Variants in DISP1 observed in about 807,000 individuals in gnomAD.
DISP1 encodes dispatched RND transporter family member 1.
In DISP1, 30 loss-of-function variants were observed where a neutral mutation model predicts 37.3. That is an observed-to-expected ratio of 0.80 (90% CI 0.60 to 1.09). The LOEUF is 1.09. Ranked by LOEUF, DISP1 falls within the 50% of genes least tolerant of loss-of-function variation. The probability of loss-of-function intolerance (pLI) is 0.00; values close to 1 mark genes in which losing one functional copy is unlikely to be tolerated. For missense variants in DISP1, 1,598 were observed against 1,879.5 expected, an observed-to-expected ratio of 0.85 and a Z score of 2.77; for synonymous variants, 634 against 690.2, an observed-to-expected ratio of 0.92 and a Z score of 1.28.
chr1:222,900,674 T>G (rs985508656), intron 1 of DISP1, among the ~76,000 whole-genome samples: 2 of 152,176 alleles, frequency 1.3e-5, no homozygotes, highest in African/African-American at 4.8e-5. Context: ...GAACATACTT[T>G]TAAGGCAGGA....
intron 1 of DISP1, among the ~76,000 whole-genome samples, chr1:222,869,242 TA>T (rs772493644): frequency 6.6e-6 from 1 of 152,122 alleles, no homozygotes. Flanking sequence ...CAGGTACTAA[TA>T]AAAGAAAAAT....
intron 3 of DISP1, among the ~76,000 whole-genome samples, chr1:222,973,890 A>G (rs1677128677): frequency 6.6e-6 from 1 of 152,186 alleles, no homozygotes; most frequent in Non-Finnish European, 1.5e-5. Context: ...TCTGCCATTG[A>G]CTTGCTCTAT....
intron 1 of DISP1, among the ~76,000 whole-genome samples, chr1:222,859,246 C>G (rs900364262): frequency 6.6e-6 from 1 of 152,150 alleles, no homozygotes; most frequent in Non-Finnish European, 1.5e-5. Flanking sequence ...AAACCAAACA[C>G]CGCATGTTCT....
Position 223,003,505 on chromosome 1 carries a change from G to T in DISP1, c.2108G>T (p.Arg703Leu), listed in dbSNP as rs752790327. 6.2e-7 allele frequency: 1 copy of T among 1,614,022 alleles called. No homozygotes were observed. Among genetic ancestry groups the T allele is most frequent in the Non-Finnish European group, 8.5e-7 (1 of 1,180,028 alleles). The part of the protein sequence containing the change: ...KVLFAISEAS[R>L]IFFEKVLPCI... The stretch of plus-strand genomic sequence containing the variant: ...CTCTTTGCCATTTCAGAAGCATCTC[G>T]AATTTTTTTCGAAAAAGTATTGCCA... Residue 703 changes from arginine (R) to leucine (L), a missense_variant, in exon 9 of 9, where the codon CGA becomes CTA. Arg to Leu is a moderately radical substitution (Grantham distance 102). Coordinates refer to ENST00000675850, the MANE Select transcript of DISP1 (RefSeq NM_001377229.1). The surrounding 1 kb of genome is among the most constrained non-coding windows in gnomAD (Gnocchi z 4.3).
chr1:222,922,556 A>C (rs1239398975), intron 1 of DISP1, among the ~76,000 whole-genome samples: 1 of 152,188 alleles, frequency 6.6e-6, no homozygotes. Context: ...TATTTAAGTG[A>C]AAATTTTGGG....
chr1:222,846,694 C>T lies in DISP1; in HGVS notation c.-159+31616C>T, dbSNP rs189826150. ...TTGCAGGAAGTAGAATGGCCTGTGG[C>T]CAAAACTAGAATATAGGACAAAGGG... On this transcript the variant is annotated intron_variant, in intron 1 of 8. Coordinates refer to ENST00000675850, the MANE Select transcript of DISP1 (RefSeq NM_001377229.1). Among the ~76,000 whole-genome samples the T allele has an allele frequency of 5.5e-3, 839 of 152,292 alleles. 31 individuals carry two copies. The highest frequency in any genetic ancestry group is 0.051 in the Admixed American group (780 of 15,298).
chr1:222,990,526 A>C, intron 4 of DISP1, 99 bp from the exon 5 acceptor site: 3 of 1,568,782 alleles, frequency 1.9e-6, no homozygotes, highest in Non-Finnish European at 2.6e-6. Context: ...TTGCTGTCTT[A>C]GGTACCAAAA....
intron 1 of DISP1, among the ~76,000 whole-genome samples, chr1:222,906,570 C>T (rs1380659187): frequency 6.6e-6 from 1 of 152,204 alleles, no homozygotes; most frequent in Non-Finnish European, 1.5e-5. Context: ...CTCGCCAAAA[C>T]CAAGATGGCG....
chr1:222,875,900 G>A, intron 1 of DISP1, among the ~76,000 whole-genome samples: 1 of 149,932 alleles, frequency 6.7e-6, no homozygotes. Flanking sequence ...TGCCTGTTAT[G>A]AATTAACATT....
chr1:222,984,397 CTG>C (rs1678069011), intron 4 of DISP1, among the ~76,000 whole-genome samples: 1 of 72,074 alleles, frequency 1.4e-5, no homozygotes. Flanking sequence ...GAGCCAGACT[CTG>C]TCTCAAAAAA....
intron 1 of DISP1, among the ~76,000 whole-genome samples, chr1:222,826,198 C>T (rs1664342006): frequency 6.6e-6 from 1 of 152,064 alleles, no homozygotes; most frequent in South Asian, 2.1e-4. Flanking sequence ...GCCACCATGC[C>T]CAGCCTGGGT....
chr1:222,997,630 A>G (rs1346024866), intron 8 of DISP1, among the ~76,000 whole-genome samples: 2 of 152,220 alleles, frequency 1.3e-5, no homozygotes, highest in African/African-American at 4.8e-5. Context: ...CATAATTTAG[A>G]TTATCTAAAG....
At chr1:222,896,392 G>T (rs1254267065) in intron 1 of DISP1, among the ~76,000 whole-genome samples, 4 of 152,118 alleles carry the variant, frequency 2.6e-5, no homozygotes, top group African/African-American at 9.7e-5. Context: ...CCTGAGGTCA[G>T]GAGTTTGAGA....
At chr1:222,956,894 T>G (rs932210079) in intron 3 of DISP1, among the ~76,000 whole-genome samples, 2 of 152,140 alleles carry the variant, frequency 1.3e-5, no homozygotes, top group South Asian at 4.1e-4. Context: ...CATACAGGGC[T>G]CACAGCAACA....
At chr1:222,866,820 G>A (rs1669220823) in intron 1 of DISP1, among the ~76,000 whole-genome samples, 1 of 152,136 alleles carries the variant, frequency 6.6e-6, no homozygotes, top group Non-Finnish European at 1.5e-5. Flanking sequence ...TTTGTCACTT[G>A]AAGTAAAAAA....
chr1:222,910,964 T>C (rs1672174393), intron 1 of DISP1, among the ~76,000 whole-genome samples: 1 of 152,192 alleles, frequency 6.6e-6, no homozygotes, highest in Non-Finnish European at 1.5e-5. Context: ...GTATCTGTAT[T>C]GAGATAAATG....
At chr1:222,843,572 G>T (rs905498964) in intron 1 of DISP1, among the ~76,000 whole-genome samples, 3 of 149,794 alleles carry the variant, frequency 2.0e-5, no homozygotes, top group Non-Finnish European at 4.5e-5. Context: ...ATGGGGGGGG[G>T]AAATTTCTTT....
At chr1:222,991,824 G>A (rs1678715624) in intron 6 of DISP1, among the ~76,000 whole-genome samples, 177 bp downstream of exon 6, 1 of 152,038 alleles carries the variant, frequency 6.6e-6, no homozygotes, top group Admixed American at 6.6e-5. Context: ...GGATGAAAAG[G>A]TGAGATTTTC....
intron 4 of DISP1, among the ~76,000 whole-genome samples, chr1:222,985,867 C>A (rs1572701630): frequency 6.6e-6 from 1 of 151,960 alleles, no homozygotes; most frequent in South Asian, 2.1e-4. Context: ...GTTGTATATT[C>A]TTTTCTTTTT....
Sources: gnomAD v4.1 joint callset for allele counts (sites outside exome capture counted in the v4.1 genomes callset) on GRCh38, gnomAD v4.1.1 for gene constraint, Gnocchi (gnomAD v3.1) non-coding constraint, MANE v1.5 for transcripts, NCBI Gene and HGNC (gene_info 2026-07-23, HGNC 2026-07-21) for gene names.